TMTC3: variants seen among roughly 807,000 people sequenced by gnomAD.
TMTC3 encodes the protein protein O-mannosyl-transferase TMTC3.
A neutral mutation model predicts 92.2 loss-of-function variants in TMTC3; 52 were observed. The observed-to-expected ratio is 0.56, with a 90% CI of 0.45 to 0.71. TMTC3 has a LOEUF of 0.71. Ranked by LOEUF, TMTC3 falls within the 30% of genes least tolerant of loss-of-function variation. The pLI is 0.00. For missense variants in TMTC3, 896 were observed against 1,057.1 expected (o/e 0.85, Z 2.11); for synonymous variants, 339 against 363.3 (o/e 0.93, Z 0.76).
At chr12:88,163,354 G>A (rs576310407) in intron 6 of TMTC3, among the ~76,000 whole-genome samples, 4 of 152,300 alleles carry the variant, frequency 2.6e-5, no homozygotes, top group East Asian at 1.9e-4. Flanking sequence ...ACTGTCTGCC[G>A]AGGAACTATT....
At chr12:88,145,195 T>C (rs575998292) in intron 1 of TMTC3, among the ~76,000 whole-genome samples, 2 of 152,314 alleles carry the variant, frequency 1.3e-5, no homozygotes, top group East Asian at 3.9e-4. Context: ...CATGGCCATT[T>C]TGTATCCATT....
chr12:88,147,086 TATTTA>T lies in TMTC3; in HGVS notation c.-28-1196_-28-1192del, dbSNP rs200003667. On this transcript the variant is annotated intron_variant, in intron 1 of 13. Transcript: ENST00000266712. ...TGTATATTTTTATATATTTTTAAAT[TATTTA>T]ATTTATTTTAAATTATTTAATTTAA... Among the ~76,000 whole-genome samples the T allele has an allele frequency of 5.2e-3, 776 of 149,940 alleles. 4 individuals are homozygous for T. Among genetic ancestry groups the T allele is most frequent in the Non-Finnish European group, 7.9e-3 (529 of 67,278 alleles).
chr12:88,160,614 T>G, intron 5 of TMTC3, 65 bp from the exon 6 acceptor site: 2 of 1,377,798 alleles, frequency 1.5e-6, no homozygotes, highest in Non-Finnish European at 2.0e-6. Context: ...TAGAAAGTAC[T>G]ACAGTATTGA....
chr12:88,190,313 G>A (rs1439161819), intron 11 of TMTC3, 140 bp from the exon 12 acceptor site: 3 of 637,960 alleles, frequency 4.7e-6, no homozygotes, highest in Non-Finnish European at 7.6e-6. Flanking sequence ...AGTCAAAACA[G>A]GAGTAGAACC....
intron 4 of TMTC3, among the ~76,000 whole-genome samples, chr12:88,154,814 C>T (rs112096617): frequency 2.0e-5 from 3 of 152,112 alleles, no homozygotes; most frequent in Non-Finnish European, 2.9e-5. Context: ...TTGATCATAG[C>T]TATTTATTGA....
chr12:88,165,394 C>T (rs2041132401), intron 6 of TMTC3, among the ~76,000 whole-genome samples: 1 of 151,922 alleles, frequency 6.6e-6, no homozygotes. Flanking sequence ...AGTTCAGACT[C>T]AAGATTTATT....
chr12:88,192,647 G>A lies in TMTC3; in HGVS notation c.1750G>A (p.Glu584Lys). ...AATGAATAAACCTCTTAAAGCAAAG[G>A]AAGCATATCTTAAAGCACTAGAGCT... ...LKMNKPLKAK[E>K]AYLKALELDR... Residue 584 changes from glutamate to lysine, a missense_variant, in exon 13 of 14, where the codon GAA (glutamate) becomes AAA (lysine). Glu to Lys is a moderately conservative substitution (Grantham distance 56). Transcript: ENST00000266712. 1 of 1,611,956 alleles carries A rather than the reference G, an allele frequency of 6.2e-7. No individual in the cohort carries two copies. The highest frequency in any genetic ancestry group is 8.5e-7 in the Non-Finnish European group (1 of 1,178,500).
intron 10 of TMTC3, among the ~76,000 whole-genome samples, chr12:88,187,267 A>T (rs1163879445): frequency 6.6e-6 from 1 of 152,098 alleles, no homozygotes; most frequent in East Asian, 1.9e-4. Context: ...TTTGATACAT[A>T]TAATGCAAGC....
At chr12:88,174,949 A>C (rs2041243503) in intron 9 of TMTC3, among the ~76,000 whole-genome samples, 1 of 152,138 alleles carries the variant, frequency 6.6e-6, no homozygotes, top group South Asian at 2.1e-4. Context: ...TAATTCCCTA[A>C]ATGCTATACA....
intron 10 of TMTC3, among the ~76,000 whole-genome samples, chr12:88,183,721 G>T (rs1488262362): frequency 6.6e-6 from 1 of 152,106 alleles, no homozygotes; most frequent in East Asian, 1.9e-4. Context: ...CTCCACACTT[G>T]TTCTCAGAGC....
intron 2 of TMTC3, among the ~76,000 whole-genome samples, chr12:88,149,091 A>G (rs2040910836): frequency 6.6e-6 from 1 of 152,168 alleles, no homozygotes; most frequent in African/African-American, 2.4e-5. Context: ...AAGTACACAT[A>G]TTGCCAATTT....
chr12:88,163,064 C>T (rs1182465020), intron 6 of TMTC3, among the ~76,000 whole-genome samples: 3 of 151,998 alleles, frequency 2.0e-5, no homozygotes, highest in East Asian at 1.9e-4. Context: ...TACAGGCATG[C>T]GCCACCACGC....
At chr12:88,159,531 C>T (rs905470865) in intron 4 of TMTC3, among the ~76,000 whole-genome samples, 6 of 151,856 alleles carry the variant, frequency 4.0e-5, no homozygotes, top group Non-Finnish European at 8.8e-5. Flanking sequence ...GATGTGGTGG[C>T]ACATGCCTGT....
intron 10 of TMTC3, among the ~76,000 whole-genome samples, chr12:88,177,866 C>T (rs2041276947): frequency 6.6e-6 from 1 of 152,118 alleles, no homozygotes; most frequent in African/African-American, 2.4e-5. Flanking sequence ...GAAAAAAGGT[C>T]ATCAAGACCA....
intron 6 of TMTC3, 23 bp downstream of exon 6, chr12:88,160,874 TTTC>T: frequency 6.4e-7 from 1 of 1,557,294 alleles, no homozygotes; most frequent in Non-Finnish European, 8.7e-7. Context: ...GGTTCTTTGT[TTTC>T]TCCATTCTTT....
chr12:88,177,338 AAT>A (rs1280922083), intron 10 of TMTC3, among the ~76,000 whole-genome samples: 1 of 152,094 alleles, frequency 6.6e-6, no homozygotes, highest in African/African-American at 2.4e-5. Context: ...AAAAAAAAAA[AAT>A]AGTTACATGT....
chr12:88,161,064 A>G (rs2138383259), intron 6 of TMTC3, among the ~76,000 whole-genome samples: 1 of 152,286 alleles, frequency 6.6e-6, no homozygotes, highest in South Asian at 2.1e-4. Context: ...AAGATAATGA[A>G]TGACCCATCC....
chr12:88,163,644 T>C (rs1306809135), intron 6 of TMTC3, among the ~76,000 whole-genome samples: 1 of 150,712 alleles, frequency 6.6e-6, no homozygotes, highest in Non-Finnish European at 1.5e-5. Flanking sequence ...GGCTTGTAAC[T>C]CCATCACTTC....
At chr12:88,169,766 C>T (rs2041184176) in intron 7 of TMTC3, among the ~76,000 whole-genome samples, 1 of 151,742 alleles carries the variant, frequency 6.6e-6, no homozygotes, top group African/African-American at 2.4e-5. Flanking sequence ...CAGTGAGATC[C>T]CACCTCTAAA....
Sources: allele counts gnomAD v4.1 joint callset (sites outside exome capture counted in the v4.1 genomes callset), GRCh38; gene constraint gnomAD v4.1.1; transcripts MANE v1.5; gene names NCBI Gene and HGNC (gene_info 2026-07-23, HGNC 2026-07-21).